Variants in DMAC2L observed in about 807,000 individuals in gnomAD.
The protein encoded by DMAC2L is ATP synthase subunit s, mitochondrial.
A neutral mutation model predicts 22.5 loss-of-function variants in DMAC2L; 21 were observed. The observed-to-expected ratio is 0.93, with a 90% CI of 0.66 to 1.34. DMAC2L has a LOEUF of 1.34. Among genes scored for constraint, DMAC2L ranks in the 40% most tolerant of loss-of-function variants. The pLI, the probability that DMAC2L is intolerant of heterozygous loss-of-function variation, is 0.00. For missense variants in DMAC2L, 239 were observed against 246.5 expected (o/e 0.97, Z 0.20); for synonymous variants, 86 against 89.5 (o/e 0.96, Z 0.22).
In DMAC2L at chr14:50,314,612, T is replaced by C; in HGVS notation, c.-20T>C. The C allele has an allele frequency of 2.2e-6, 1 of 455,256 alleles. No homozygotes were observed. Among genetic ancestry groups the C allele is most frequent in the South Asian group, 1.6e-5 (1 of 64,516 alleles). 28.2% of individuals were successfully genotyped at this position (455,256 alleles called of 1,614,324 possible). ...CTAGGATAAGTGCCCAAGAGTACAA[T>C]TGCTGGGTCATATGGTAAGTGCATG... On this transcript the variant is annotated 5_prime_UTR_variant, in exon 2 of 6. Coordinates refer to ENST00000557421, the MANE Select transcript of DMAC2L (RefSeq NM_001382507.1).
At chr14:50,315,291 A>C (rs1433626222) in intron 2 of DMAC2L, among the ~76,000 whole-genome samples, 1 of 151,780 alleles carries the variant, frequency 6.6e-6, no homozygotes, top group Non-Finnish European at 1.5e-5. Flanking sequence ...ATGCCTTTGC[A>C]TCCTCATAGC....
upstream of DMAC2L, chr14:50,312,014 G>A (rs201806251): frequency 3.1e-4 from 491 of 1,563,862 alleles, 1 homozygote; most frequent in African/African-American, 5.1e-3. Context: ...CACTCACCTG[G>A]TGCTGGCGCT....
rs1566561651 is a variant in DMAC2L at position 50,324,077 on chromosome 14, A to G, written c.449A>G (p.Asn150Ser). 1 of 1,613,770 alleles carries G rather than the reference A, an allele frequency of 6.2e-7. No homozygotes were observed. Among genetic ancestry groups the G allele is most frequent in the East Asian group, 2.2e-5 (1 of 44,864 alleles). The change falls in exon 5 of 6, where the codon AAT becomes AGT. Residue 150 changes from asparagine (N) to serine (S), a missense_variant. Coordinates refer to ENST00000557421, the MANE Select transcript of DMAC2L (RefSeq NM_001382507.1). ...ILEMEIISCG[N>S]ITDKGIIALR... ...GAAATGGAAATAATATCCTGTGGGAATATCACAGACAAAGGCATCATTGCT... is the reference window on the plus strand; with the variant it reads ...GAAATGGAAATAATATCCTGTGGGAGTATCACAGACAAAGGCATCATTGCT...
chr14:50,316,669 A>G (rs1247976101), intron 2 of DMAC2L, among the ~76,000 whole-genome samples: 2 of 152,134 alleles, frequency 1.3e-5, no homozygotes, highest in Middle Eastern at 3.4e-3. Flanking sequence ...CCCACTTTAT[A>G]TGTTTGTTTG....
At chr14:50,316,036 G>T (rs994868639) in intron 2 of DMAC2L, among the ~76,000 whole-genome samples, 6 of 151,782 alleles carry the variant, frequency 4.0e-5, no homozygotes, top group Admixed American at 6.6e-5. Flanking sequence ...CAGTGTAGAA[G>T]TGTTCCCTTT....
chr14:50,312,167 C>T, upstream of DMAC2L: 3 of 1,608,412 alleles, frequency 1.9e-6, no homozygotes, highest in East Asian at 2.2e-5. Flanking sequence ...CGCACGCTCC[C>T]CTCCCTCAGC....
intron 1 of DMAC2L, chr14:50,313,071 C>A (rs751631376): frequency 6.2e-7 from 1 of 1,602,918 alleles, no homozygotes; most frequent in South Asian, 1.1e-5. Flanking sequence ...GTCACTTCAC[C>A]TGATTCCCTT....
chr14:50,317,173 T>C (rs574669892), intron 2 of DMAC2L, among the ~76,000 whole-genome samples: 2 of 152,268 alleles, frequency 1.3e-5, no homozygotes, highest in African/African-American at 4.8e-5. Flanking sequence ...ATTCCTAAGT[T>C]TTTTTTGTGT....
chr14:50,319,305 G>C, intron 2 of DMAC2L: 1 of 1,536,132 alleles, frequency 6.5e-7, no homozygotes, highest in Non-Finnish European at 8.7e-7. Context: ...TGAAAGGGTA[G>C]TTGGTTCTGT....
rs146289638 is a variant in DMAC2L at position 50,322,245 on chromosome 14, G to A, written c.108-266G>A. ...TGTACTATATGTGAATCAATGAAAC[G>A]TTGTGTCTGATAAATTCATATAAAA... On this transcript the variant is annotated intron_variant, in intron 3 of 5. Coordinates refer to ENST00000557421, the MANE Select transcript of DMAC2L (RefSeq NM_001382507.1). Among the ~76,000 whole-genome samples, 478 of 152,314 alleles carry A rather than the reference G, an allele frequency of 3.1e-3. 5 individuals are homozygous for A. Among genetic ancestry groups the A allele is most frequent in the African/African-American group, 0.011 (456 of 41,576 alleles).
Position 50,324,068 on chromosome 14 carries a change from C to G in DMAC2L, c.440C>G (p.Ser147Cys). The G allele has an allele frequency of 6.2e-7, 1 of 1,613,860 alleles. No individual in the cohort carries two copies. The highest frequency in any genetic ancestry group is 2.2e-5 in the East Asian group (1 of 44,856). Residue 147 changes from serine to cysteine, a missense_variant, in exon 5 of 6, where the codon TCC (serine) becomes TGC (cysteine). By Grantham distance (112) the Ser-to-Cys change is moderately radical. Transcript: ENST00000557421. ...QKTILEMEII[S>C]CGNITDKGII... The stretch of plus-strand genomic sequence containing the variant: ...ACCATATTGGAAATGGAAATAATAT[C>G]CTGTGGGAATATCACAGACAAAGGC...
chr14:50,326,861 T>G lies in DMAC2L; in HGVS notation c.*1138T>G, dbSNP rs112034799. ...TTTGAGACCAATTTGGGCAACACAG[T>G]GAGACCCCATCTCTAAAAAAATTTT... On this transcript the variant is annotated 3_prime_UTR_variant, in exon 6 of 6. Transcript: ENST00000557421. 1.7e-6 allele frequency: 1 copy of G among 599,180 alleles called. No individual in the cohort carries two copies. Among genetic ancestry groups the G allele is most frequent in the Non-Finnish European group, 2.1e-6 (1 of 477,862 alleles). The allele number at this position is 599,180 out of a possible 1,614,324, so 37.1% of individuals were successfully genotyped here.
upstream of DMAC2L, chr14:50,311,555 CG>C: frequency 2.2e-6 from 1 of 445,084 alleles, no homozygotes; most frequent in Non-Finnish European, 4.5e-6. Flanking sequence ...CAACACTATG[CG>C]GGGTGTGCCA....
intron 2 of DMAC2L, among the ~76,000 whole-genome samples, chr14:50,317,575 C>T (rs2031911315): frequency 6.6e-6 from 1 of 152,066 alleles, no homozygotes; most frequent in Non-Finnish European, 1.5e-5. Flanking sequence ...TCAAGACCAG[C>T]CTGGCCAACA....
At chr14:50,312,519 C>G (rs1023918829) in intron 1 of DMAC2L, 130 bp downstream of exon 1, 1 of 361,448 alleles carries the variant, frequency 2.8e-6, no homozygotes, top group Non-Finnish European at 5.1e-6. Context: ...ACCTTCACCG[C>G]CATGCGGACA....
chr14:50,321,429 A>C, intron 2 of DMAC2L, 54 bp from the exon 3 acceptor site: 1 of 1,602,522 alleles, frequency 6.2e-7, no homozygotes. Context: ...GTAAGTTGCT[A>C]TATGTATGGG....
At chr14:50,321,633 G>A (rs1192155326) in intron 3 of DMAC2L, 39 bp downstream of exon 3, 1 of 1,463,660 alleles carries the variant, frequency 6.8e-7, no homozygotes, top group African/African-American at 1.4e-5. Context: ...TGTGGAGATG[G>A]TTACAGCTAA....
chr14:50,312,353 A>G lies in DMAC2L; in HGVS notation c.-78A>G, dbSNP rs1009028371. Reference sequence around the variant, plus strand: ...CGGCCAGGGTGCCGCAGACGCGGGGACGCTGGCTCGCTCCCTCCCTCCCTC... The same window carrying G: ...CGGCCAGGGTGCCGCAGACGCGGGGGCGCTGGCTCGCTCCCTCCCTCCCTC... On this transcript the variant is annotated 5_prime_UTR_variant, in exon 1 of 6. Coordinates refer to ENST00000557421, the MANE Select transcript of DMAC2L (RefSeq NM_001382507.1). 2.9e-6 allele frequency: 2 copies of G among 680,828 alleles called. No homozygotes were observed. Among genetic ancestry groups the G allele is most frequent in the Non-Finnish European group, 4.9e-6 (2 of 408,846 alleles). The allele number at this position is 680,828 out of a possible 1,614,324, so 42.2% of individuals were successfully genotyped here. A position where few individuals can be genotyped will look rare whatever the true frequency, so the allele number is the denominator to read the frequency against.
chr14:50,311,589 C>G (rs1160662443), upstream of DMAC2L, among the ~76,000 whole-genome samples: 1 of 152,180 alleles, frequency 6.6e-6, no homozygotes, highest in Non-Finnish European at 1.5e-5. Flanking sequence ...AGACTGTATT[C>G]AGATCTTCCA....
Sources: gnomAD v4.1 joint callset for allele counts (sites outside exome capture counted in the v4.1 genomes callset) on GRCh38, gnomAD v4.1.1 for gene constraint, MANE v1.5 for transcripts, NCBI Gene and HGNC (gene_info 2026-07-23, HGNC 2026-07-21) for gene names.